SMARCA4: variants seen among roughly 807,000 people sequenced by gnomAD.
SMARCA4 encodes the protein SWI/SNF-related matrix-associated actin-dependent regulator of chromatin subfamily A member 4.
In SMARCA4, 31 loss-of-function variants were observed where a neutral mutation model predicts 193.9. That is an observed-to-expected ratio of 0.16 (90% CI 0.12 to 0.22). SMARCA4 has a LOEUF of 0.22. SMARCA4 is among the 10% of genes least tolerant of loss of function. The pLI, the probability that SMARCA4 is intolerant of heterozygous loss-of-function variation, is 1.00. For synonymous variants in SMARCA4, 942 were observed against 933.1 expected, an observed-to-expected ratio of 1.01 and a Z score of -0.17; for missense variants, 1,148 against 2,296.0, an observed-to-expected ratio of 0.50 and a Z score of 10.22.
In SMARCA4 at chr19:11,058,368, C is replaced by A. The variant is rs778368597; in HGVS notation, c.4533+5C>A. The A allele has an allele frequency of 1.3e-6, 2 of 1,591,368 alleles. No individual in the cohort carries two copies. Among genetic ancestry groups the A allele is most frequent in the Non-Finnish European group, 8.6e-7 (1 of 1,159,596 alleles). ...GTGGACTTCAAGAAGATAAAGGTAA[C>A]CCTGACGTTGTACCTGCGCCCCGCA... On this transcript the variant is annotated splice_donor_5th_base_variant and intron_variant, in intron 31 of 34. Coordinates refer to ENST00000344626, the MANE Select transcript of SMARCA4 (RefSeq NM_003072.5). The surrounding 1 kb of genome is among the most constrained non-coding windows in gnomAD (Gnocchi z 5.8).
rs1223129658 is a variant in SMARCA4 at position 10,984,060 on chromosome 19, C to G, written c.-31-61C>G. 3 of 1,321,530 alleles carry G rather than the reference C, an allele frequency of 2.3e-6. No individual in the cohort carries two copies. The highest frequency in any genetic ancestry group is 3.3e-6 in the Non-Finnish European group (3 of 921,546). The allele number at this position is 1,321,530 out of a possible 1,614,324, so 81.9% of individuals were successfully genotyped here. On this transcript the variant is annotated intron_variant, in intron 1 of 34. Transcript: ENST00000344626. This position sits in a 1 kb window ranked among gnomAD's most constrained non-coding sequence, Gnocchi z 4.3. ...GATGTGACCGTATGATTGTCCCTTG[C>G]TATCCCTGTCCTGCCTCGCCCTTGG...
Position 11,012,736 on chromosome 19 carries a change from C to T in SMARCA4, c.2275-213C>T, listed in dbSNP as rs149043199. On this transcript the variant is annotated intron_variant, in intron 15 of 34. Coordinates refer to ENST00000344626, the MANE Select transcript of SMARCA4 (RefSeq NM_003072.5). The stretch of plus-strand genomic sequence containing the variant: ...ACGTGTCCATCGTTCGCACAGTCAT[C>T]CTGCAGCTTCACAGACGTTATTGCT... The T allele has an allele frequency of 6.5e-6, 4 of 617,540 alleles. No individual in the cohort carries two copies. The East Asian group carries it at 1.1e-4, about 18-fold the overall frequency. 38.3% of individuals were successfully genotyped at this position (617,540 alleles called of 1,614,324 possible).
rs1282377694 is a variant in SMARCA4 at position 10,986,587 on chromosome 19, C to A, written c.754C>A (p.Pro252Thr). The A allele has an allele frequency of 1.3e-6, 2 of 1,536,228 alleles. No individual in the cohort carries two copies. Among genetic ancestry groups the A allele is most frequent in the South Asian group, 1.2e-5 (1 of 84,050 alleles). ...PGPAPPNYSR[P>T]HGMGGPNMPP... ...CCCGGCACCTCCAAATTACAGCAGGCCTCATGGTAAGACTGGCTGCCCTGG... is the reference window on the plus strand; with the variant it reads ...CCCGGCACCTCCAAATTACAGCAGGACTCATGGTAAGACTGGCTGCCCTGG... Residue 252 changes from proline (P) to threonine (T), a missense_variant, in exon 4 of 35, where the codon CCT becomes ACT. Pro to Thr is a conservative substitution (Grantham distance 38). Coordinates refer to ENST00000344626, the MANE Select transcript of SMARCA4 (RefSeq NM_003072.5). The surrounding 1 kb of genome is among the most constrained non-coding windows in gnomAD (Gnocchi z 6.7).
rs1568561593 is a variant in SMARCA4 at position 11,058,655 on chromosome 19, C to T, written c.4534-133C>T. 1.2e-5 allele frequency: 9 copies of T among 776,658 alleles called. No homozygotes were observed. The highest frequency in any genetic ancestry group is 5.0e-4 in the Middle Eastern group (2 of 3,964). 48.1% of individuals were successfully genotyped at this position (776,658 alleles called of 1,614,324 possible). On this transcript the variant is annotated intron_variant, in intron 31 of 34. Transcript: ENST00000344626. The surrounding 1 kb of genome is among the most constrained non-coding windows in gnomAD (Gnocchi z 5.8). ...TCCCATGCCTAGTGAGCCAGGTTAC[C>T]GAGGCTGGCGCTTCGGCCACATCCT...
chr19:10,994,809 C>A lies in SMARCA4; in HGVS notation c.1420-19C>A. The stretch of plus-strand genomic sequence containing the variant: ...CATGCTGCTGAAGGGTCAGCCTTCT[C>A]TTTTGTGCTTTCCTGCAGGAATACC... On this transcript the variant is annotated intron_variant, in intron 8 of 34. Transcript: ENST00000344626. The A allele has an allele frequency of 6.2e-7, 1 of 1,612,764 alleles. No individual in the cohort carries two copies. The highest frequency in any genetic ancestry group is 2.2e-5 in the East Asian group (1 of 44,870).
At chr19:11,025,644 A>G (rs1369963995) in intron 22 of SMARCA4, 136 bp downstream of exon 22, 2 of 707,896 alleles carry the variant, frequency 2.8e-6, no homozygotes, top group African/African-American at 1.7e-5. Context: ...TCTGTCTCTC[A>G]TTTGGTCTTC....
Position 11,034,370 on chromosome 19 carries a change from G to C in SMARCA4, c.3951+170G>C, listed in dbSNP as rs1292061345. Among the ~76,000 whole-genome samples the C allele has an allele frequency of 2.0e-5, 3 of 152,142 alleles. No individual in the cohort carries two copies. Among genetic ancestry groups the C allele is most frequent in the Non-Finnish European group, 4.4e-5 (3 of 68,024 alleles). On this transcript the variant is annotated intron_variant, in intron 28 of 34. Transcript: ENST00000344626. The surrounding 1 kb of genome is among the most constrained non-coding windows in gnomAD (Gnocchi z 7.0). Reference sequence around the variant, plus strand: ...CAGACTGACCCGTCTTCCACCCCCAGTCTCCTGAGGATGGCATCGGAGGGC... The same window carrying C: ...CAGACTGACCCGTCTTCCACCCCCACTCTCCTGAGGATGGCATCGGAGGGC...
chr19:11,018,894 G>A lies in SMARCA4; in HGVS notation c.2439-63G>A, dbSNP rs952139592. 2.9e-6 allele frequency: 4 copies of A among 1,380,096 alleles called. No individual in the cohort carries two copies. The Admixed American group carries it at 6.7e-5, about 23-fold the overall frequency. The allele number at this position is 1,380,096 out of a possible 1,614,324, so 85.5% of individuals were successfully genotyped here. A position where few individuals can be genotyped will look rare whatever the true frequency, so the allele number is the denominator to read the frequency against. ...TCGCCCCTGACAGCCAGTGGCTATG[G>A]GTTTGCACAGTGAGCCATTGATGAG... is the stretch of plus-strand genomic sequence containing the variant. On this transcript the variant is annotated intron_variant, in intron 16 of 34. Transcript: ENST00000344626.
rs984290500 is a variant in SMARCA4 at position 11,034,541 on chromosome 19, C to A, written c.3951+341C>A. On this transcript the variant is annotated intron_variant, in intron 28 of 34. Coordinates refer to ENST00000344626, the MANE Select transcript of SMARCA4 (RefSeq NM_003072.5). The surrounding 1 kb of genome is among the most constrained non-coding windows in gnomAD (Gnocchi z 7.0). Reference sequence around the variant, plus strand: ...AAGGGACTGACCAGGCCTTCAGTCGCAGAGCCCCCTTGCCCCTGGGTGGGA... The same window carrying A: ...AAGGGACTGACCAGGCCTTCAGTCGAAGAGCCCCCTTGCCCCTGGGTGGGA... Among the ~76,000 whole-genome samples, 1 of 152,212 alleles carries A rather than the reference C, an allele frequency of 6.6e-6. No individual in the cohort carries two copies.
chr19:11,006,351 C>T (rs905579827), intron 13 of SMARCA4, among the ~76,000 whole-genome samples: 1 of 152,238 alleles, frequency 6.6e-6, no homozygotes, highest in Non-Finnish European at 1.5e-5. Flanking sequence ...TTGCAGTAAA[C>T]TGAGATGCCT....
intron 11 of SMARCA4, among the ~76,000 whole-genome samples, chr19:10,998,078 T>TG (rs1447914535): frequency 6.6e-6 from 1 of 151,818 alleles, no homozygotes; most frequent in Non-Finnish European, 1.5e-5. Context: ...TTTGCAGAGA[T>TG]GGGGTCTCAT....
In SMARCA4 at chr19:11,003,355, G is replaced by A. The variant is rs757029847; in HGVS notation, c.1959G>A (p.Pro653=). ...TTTTTTCTAGGTATGAAGTAGCTCC[G>A]AGGTCTGATAGTGAAGAAAGTGGCT... ...LEMNPGYEVA[P]RSDSEESGSE... Residue 653 remains proline (P), a synonymous_variant, in exon 13 of 35, where the codon CCG becomes CCA. Transcript: ENST00000344626. 1.5e-5 allele frequency: 24 copies of A among 1,613,944 alleles called. No individual in the cohort carries two copies. In the Admixed American group the frequency reaches 3.0e-4, roughly 20 times the overall value.
chr19:11,042,918 T>C (rs2075699745), intron 30 of SMARCA4, among the ~76,000 whole-genome samples: 1 of 152,198 alleles, frequency 6.6e-6, no homozygotes, highest in South Asian at 2.1e-4. Flanking sequence ...GAGGTTGCTG[T>C]GGACCAAGAT....
chr19:11,058,378 G>T lies in SMARCA4; in HGVS notation c.4533+15G>T. ...AGAAGATAAAGGTAACCCTGACGTT[G>T]TACCTGCGCCCCGCATGTGCCCGGA... On this transcript the variant is annotated intron_variant, in intron 31 of 34. Coordinates refer to ENST00000344626, the MANE Select transcript of SMARCA4 (RefSeq NM_003072.5). The surrounding 1 kb of genome is among the most constrained non-coding windows in gnomAD (Gnocchi z 5.8). The T allele has an allele frequency of 6.4e-7, 1 of 1,552,398 alleles. No homozygotes were observed. Among genetic ancestry groups the T allele is most frequent in the Non-Finnish European group, 8.9e-7 (1 of 1,124,324 alleles).
chr19:11,056,935 C>T (rs972386671), intron 30 of SMARCA4, among the ~76,000 whole-genome samples: 1 of 152,216 alleles, frequency 6.6e-6, no homozygotes, highest in African/African-American at 2.4e-5. Flanking sequence ...AAGGCGCACT[C>T]AGGACACCCA....
chr19:11,046,883 G>A (rs2075955700), intron 30 of SMARCA4, among the ~76,000 whole-genome samples: 1 of 150,120 alleles, frequency 6.7e-6, no homozygotes. Flanking sequence ...AAGAAGTCAA[G>A]GCCGCAGTGG....
chr19:11,012,286 C>T (rs938323775), intron 15 of SMARCA4: 5 of 155,760 alleles, frequency 3.2e-5, no homozygotes, highest in African/African-American at 1.2e-4. Context: ...GGCAGAATTG[C>T]TTGAACCTGG....
chr19:11,004,481 C>A (rs1184164765), intron 13 of SMARCA4, among the ~76,000 whole-genome samples: 1 of 152,178 alleles, frequency 6.6e-6, no homozygotes, highest in African/African-American at 2.4e-5. Context: ...GAACTGCTGA[C>A]CTTAAGCGAT....
rs1222867721 is a variant in SMARCA4 at position 10,996,397 on chromosome 19, A to T, written c.1761+17A>T. On this transcript the variant is annotated intron_variant, in intron 10 of 34. Transcript: ENST00000344626. ...AAAAAGAAGGTGTGCTGGGCCTGGC[A>T]TGGTGCCCGCCGCGGGTGGGATGGG... 4.3e-6 allele frequency: 7 copies of T among 1,614,032 alleles called. No homozygotes were observed. The Admixed American group carries it at 5.0e-5, about 12-fold the overall frequency.
Sources: allele counts gnomAD v4.1 joint callset (sites outside exome capture counted in the v4.1 genomes callset), GRCh38; gene constraint gnomAD v4.1.1; non-coding constraint Gnocchi (gnomAD v3.1); transcripts MANE v1.5; gene names NCBI Gene and HGNC (gene_info 2026-07-23, HGNC 2026-07-21).